WDR93: variants seen among roughly 807,000 people sequenced by gnomAD.
The protein encoded by WDR93 is WD repeat domain 93, also known as WD repeat-containing protein 93.
Under a neutral mutation model 82.9 loss-of-function variants are expected in WDR93, and 73 were observed. The observed-to-expected ratio is 0.88, with a 90% CI of 0.73 to 1.07. The LOEUF is 1.07. Among genes scored for constraint, WDR93 ranks in the 50% least tolerant of loss-of-function variants. The probability of loss-of-function intolerance (pLI) is 0.00; values close to 1 mark genes in which losing one functional copy is unlikely to be tolerated. For missense variants in WDR93, 738 were observed against 826.0 expected (o/e 0.89, Z 1.31); for synonymous variants, 283 against 300.1 (o/e 0.94, Z 0.59).
intron 8 of WDR93, among the ~76,000 whole-genome samples, chr15:89,722,648 A>G (rs1488764161): frequency 6.6e-6 from 1 of 152,196 alleles, no homozygotes; most frequent in Non-Finnish European, 1.5e-5. Context: ...AGGGCTGTGA[A>G]AACTCAGGGT....
chr15:89,735,352 A>T (rs1044208352), intron 13 of WDR93, 138 bp from the exon 14 acceptor site: 4 of 736,246 alleles, frequency 5.4e-6, no homozygotes, highest in Middle Eastern at 3.0e-4. Context: ...ATTGTTCTTA[A>T]TTTTTTGCTA....
chr15:89,728,114 G>T (rs915694704), intron 9 of WDR93, among the ~76,000 whole-genome samples: 21 of 152,080 alleles, frequency 1.4e-4, no homozygotes, highest in African/African-American at 4.8e-4. Context: ...AAAAAACACA[G>T]AAGATCCTAA....
chr15:89,717,045 CTTTTTTTTTTTTT>C, intron 7 of WDR93, 96 bp downstream of exon 7: 3 of 170,846 alleles, frequency 1.8e-5, no homozygotes, highest in Non-Finnish European at 2.7e-5. Flanking sequence ...CTTTTTCTTT[CTTTTTTTTTTTTT>C]TTTTTTTTTG....
chr15:89,736,952 A>T lies in WDR93; in HGVS notation c.1609-621A>T, dbSNP rs567348208. On this transcript the variant is annotated intron_variant, in intron 14 of 16. Coordinates refer to ENST00000268130, the MANE Select transcript of WDR93 (RefSeq NM_020212.2). ...GACTACAGGTGCCCGCTAGCACGCC[A>T]GGCTAATTTTTTGTATTTTTAGTAG... is the stretch of plus-strand genomic sequence containing the variant. Among the ~76,000 whole-genome samples, 232 of 152,180 alleles carry T rather than the reference A, an allele frequency of 1.5e-3. 1 individual carries two copies. Among genetic ancestry groups the T allele is most frequent in the African/African-American group, 5.2e-3 (218 of 41,538 alleles).
chr15:89,735,947 C>A (rs774998426), intron 14 of WDR93, among the ~76,000 whole-genome samples: 1 of 152,150 alleles, frequency 6.6e-6, no homozygotes, highest in South Asian at 2.1e-4. Context: ...GAGAGCACCA[C>A]GTGTCCCGGG....
At position 89,703,040 on chromosome 15, in the gene WDR93, G is replaced by T; in HGVS notation, c.394G>T (p.Ala132Ser). ...ATTCTCAATTTATAATCTGTACAGT[G>T]CTAAACAAATATATGCGTGGGAGAA... ...KGFSIYNLYS[A>S]KQIYAWEKLK... The change falls in exon 3 of 17, where the codon GCT becomes TCT. Residue 132 changes from alanine (A) to serine (S), a missense_variant. Ala to Ser is a moderately conservative substitution (Grantham distance 99). Coordinates refer to ENST00000268130, the MANE Select transcript of WDR93 (RefSeq NM_020212.2). The T allele has an allele frequency of 6.2e-7, 1 of 1,614,192 alleles. No individual in the cohort carries two copies. The highest frequency in any genetic ancestry group is 1.1e-5 in the South Asian group (1 of 91,082).
intron 4 of WDR93, among the ~76,000 whole-genome samples, chr15:89,710,393 G>A (rs1270945200): frequency 1.3e-5 from 2 of 152,190 alleles, no homozygotes; most frequent in Non-Finnish European, 2.9e-5. Context: ...ATTTATCTGT[G>A]TTAGCGATGG....
chr15:89,705,567 CTT>C lies in WDR93; in HGVS notation c.513_514del (p.Phe171LeufsTer4), dbSNP rs779900302. 5.8e-6 allele frequency: 9 copies of C among 1,548,818 alleles called. No homozygotes were observed. Among genetic ancestry groups the C allele is most frequent in the African/African-American group, 1.4e-5 (1 of 73,424 alleles). The part of the protein sequence containing the change: ...PVDEMGIIRL[F>X]YFYKEGLYLV... ...TTTCTGTTTCAGGTATCATTAGACTCTTTTATTTTTATAAGGAAGGACTTTAC... is the reference window on the plus strand; with the variant it reads ...TTTCTGTTTCAGGTATCATTAGACTCTTATTTTTATAAGGAAGGACTTTAC... On this transcript the variant is annotated frameshift_variant, in exon 4 of 17. Coordinates refer to ENST00000268130, the MANE Select transcript of WDR93 (RefSeq NM_020212.2). LOFTEE classifies it high-confidence loss of function.
chr15:89,737,895 G>A (rs1479742271), intron 15 of WDR93, 146 bp from the exon 16 acceptor site: 2 of 1,306,144 alleles, frequency 1.5e-6, no homozygotes, highest in Admixed American at 2.2e-5. Flanking sequence ...TAAAATGCCA[G>A]CAGGGTCTTC....
intron 13 of WDR93, among the ~76,000 whole-genome samples, chr15:89,735,084 G>T (rs543264960): frequency 6.9e-6 from 1 of 144,214 alleles, no homozygotes; most frequent in Non-Finnish European, 1.5e-5. Flanking sequence ...GTCTCACTCT[G>T]TAGCCCAGGC....
At chr15:89,720,039 C>G (rs983370702) in intron 7 of WDR93, among the ~76,000 whole-genome samples, 5 of 151,378 alleles carry the variant, frequency 3.3e-5, no homozygotes, top group Non-Finnish European at 5.9e-5. Flanking sequence ...ACCTCGTGAT[C>G]CCACCTGCCT....
At chr15:89,690,667 C>A (rs953305673), upstream of WDR93, 51 of 1,525,680 alleles carry the variant, frequency 3.3e-5, no homozygotes, top group Middle Eastern at 3.6e-4. Context: ...TCGCACGGGG[C>A]TCAGGCGTGG....
chr15:89,725,482 C>T (rs1966697041), intron 8 of WDR93, among the ~76,000 whole-genome samples: 1 of 151,656 alleles, frequency 6.6e-6, no homozygotes, highest in African/African-American at 2.4e-5. Context: ...GCCACTCTTC[C>T]CAGAGAATTG....
intron 4 of WDR93, among the ~76,000 whole-genome samples, chr15:89,706,757 T>C (rs1965745015): frequency 6.6e-6 from 1 of 151,782 alleles, no homozygotes; most frequent in South Asian, 2.1e-4. Context: ...TAAAAGAAAA[T>C]ATTAATATTG....
chr15:89,695,813 C>CTTTTTTTTT (rs58664153), intron 1 of WDR93, among the ~76,000 whole-genome samples: 2 of 99,312 alleles, frequency 2.0e-5, no homozygotes, highest in African/African-American at 4.1e-5. Context: ...TCATGCTGTC[C>CTTTTTTTTT]TTTTTTTTTT....
intron 16 of WDR93, among the ~76,000 whole-genome samples, chr15:89,741,941 C>T (rs867812739): frequency 5.3e-4 from 81 of 152,232 alleles, no homozygotes; most frequent in Middle Eastern, 3.4e-3. Context: ...TTAGTAGAGA[C>T]GGGGTTTCAC....
At chr15:89,698,306 C>A (rs374949719) in intron 1 of WDR93, among the ~76,000 whole-genome samples, 1 of 152,136 alleles carries the variant, frequency 6.6e-6, no homozygotes, top group Non-Finnish European at 1.5e-5. Flanking sequence ...GCATAGTATA[C>A]CTTTGTTCAC....
At chr15:89,711,612 T>C (rs1965983068) in intron 4 of WDR93, among the ~76,000 whole-genome samples, 1 of 152,168 alleles carries the variant, frequency 6.6e-6, no homozygotes. Flanking sequence ...ATACTAAGGT[T>C]ACATTCAGTC....
At chr15:89,699,114 A>G (rs1055784424) in intron 1 of WDR93, among the ~76,000 whole-genome samples, 3 of 152,086 alleles carry the variant, frequency 2.0e-5, no homozygotes, top group African/African-American at 7.2e-5. Flanking sequence ...CTCCCACCTC[A>G]GCCTCCCAAA....
Sources: allele counts gnomAD v4.1 joint callset (sites outside exome capture counted in the v4.1 genomes callset), GRCh38; gene constraint gnomAD v4.1.1; transcripts MANE v1.5; gene names NCBI Gene and HGNC (gene_info 2026-07-23, HGNC 2026-07-21).